The following DENND10 variants were observed in gnomAD, a reference collection of about 807,000 sequenced individuals.
DENND10 encodes DENN domain-containing protein 10.
DENND10 carries 24 observed loss-of-function variants against 43.6 expected under a neutral mutation model. That is an observed-to-expected ratio of 0.55 (90% CI 0.40 to 0.77). The LOEUF (loss-of-function observed/expected upper bound fraction) is 0.77. DENND10 is among the 30% of genes least tolerant of loss of function. The probability of loss-of-function intolerance (pLI) is 0.00; values close to 1 mark genes in which losing one functional copy is unlikely to be tolerated. For missense variants in DENND10, 303 were observed against 429.9 expected (o/e 0.70, Z 2.61); for synonymous variants, 125 against 157.6 (o/e 0.79, Z 1.55).
chr10:119,127,364 A>G (rs1845883363), intron 6 of DENND10, among the ~76,000 whole-genome samples: 1 of 152,152 alleles, frequency 6.6e-6, no homozygotes, highest in Admixed American at 6.6e-5. Flanking sequence ...TTTTTTCAGT[A>G]ATGAGTAATA....
At chr10:119,113,992 T>A (rs983695147) in intron 3 of DENND10, 1 of 152,212 alleles carries the variant, frequency 6.6e-6, no homozygotes, top group African/African-American at 2.4e-5. Context: ...TTCATTTGGT[T>A]GAGTCAGGGT....
rs1427788470 is a variant in DENND10, at chr10:119,126,925, G to T, written c.695-2590G>T. Among the ~76,000 whole-genome samples the T allele has an allele frequency of 2.2e-4, 32 of 148,442 alleles. 1 individual carries two copies. The East Asian group carries it at 5.0e-3, about 23-fold the overall frequency. On this transcript the variant is annotated intron_variant, in intron 6 of 8. Transcript: ENST00000361432. ...TTCTTTTTTTTTTTTTTGAGACAGG[G>T]TCTTGCTCTGTCGCCCAGGCTGGAG...
rs1317381137 is a variant in DENND10 at position 119,137,881 on chromosome 10, T to G, written c.*1234T>G. On this transcript the variant is annotated 3_prime_UTR_variant, in exon 9 of 9. Coordinates refer to ENST00000361432, the MANE Select transcript of DENND10 (RefSeq NM_207009.4). ...TTTATGGAAATGAGGAATATTAACATCTTTTTTCTCATTTTTTTGTATTAC... is the reference window on the plus strand; with the variant it reads ...TTTATGGAAATGAGGAATATTAACAGCTTTTTTCTCATTTTTTTGTATTAC... 6.0e-6 allele frequency: 1 copy of G among 166,618 alleles called. No individual in the cohort carries two copies. The highest frequency in any genetic ancestry group is 1.5e-5 in the Non-Finnish European group (1 of 68,028). The allele number at this position is 166,618 out of a possible 1,614,324, so 10.3% of individuals were successfully genotyped here.
At chr10:119,123,696 G>T in intron 6 of DENND10, 127 bp downstream of exon 6, 3 of 707,078 alleles carry the variant, frequency 4.2e-6, no homozygotes, top group Non-Finnish European at 7.2e-6. Context: ...CGCAACGTCC[G>T]CCTTCAATTC....
At chr10:119,109,216 C>A (rs1384789796) in intron 2 of DENND10, among the ~76,000 whole-genome samples, 321 of 129,056 alleles carry the variant, frequency 2.5e-3, no homozygotes, top group Non-Finnish European at 2.5e-3. Context: ...AACTCCGTCT[C>A]AAAAAAAAAA....
At chr10:119,104,522 C>T (rs1264343326) in intron 1 of DENND10, among the ~76,000 whole-genome samples, 1 of 150,194 alleles carries the variant, frequency 6.7e-6, no homozygotes, top group East Asian at 2.0e-4. Flanking sequence ...TCGAGCGCTC[C>T]CAGGCTGGGC....
intron 3 of DENND10, among the ~76,000 whole-genome samples, chr10:119,112,916 C>A (rs1324364284): frequency 6.6e-6 from 1 of 151,730 alleles, no homozygotes; most frequent in East Asian, 1.9e-4. Context: ...GTGGGGCGAT[C>A]TTGGCTCACT....
chr10:119,133,722 G>C (rs1453859980), intron 8 of DENND10: 2 of 152,374 alleles, frequency 1.3e-5, no homozygotes, highest in East Asian at 3.8e-4. Context: ...CTGGCCAGCT[G>C]TGAGCAGGAA....
At position 119,120,337 on chromosome 10, in the gene DENND10, G is replaced by A; in HGVS notation, c.482-4G>A. ...AGTAACATTACAATTTCTCTTTTTT[G>A]AAGACATTGTATCTCAGTTTGGAAT... On this transcript the variant is annotated splice_polypyrimidine_tract_variant and splice_region_variant and intron_variant, in intron 4 of 8. Transcript: ENST00000361432. 6.4e-7 allele frequency: 1 copy of A among 1,558,556 alleles called. No individual in the cohort carries two copies. The highest frequency in any genetic ancestry group is 8.8e-7 in the Non-Finnish European group (1 of 1,131,228).
Position 119,132,474 on chromosome 10 carries a change from T to A in DENND10, c.803-41T>A. 2 of 1,527,016 alleles carry A rather than the reference T, an allele frequency of 1.3e-6. No homozygotes were observed. The highest frequency in any genetic ancestry group is 2.2e-5 in the South Asian group (2 of 88,938). The allele number at this position is 1,527,016 out of a possible 1,614,324, so 94.6% of individuals were successfully genotyped here. ...TTCAGATAGATGGCATGATTATTTT[T>A]TATGTCGATTTCTAAATATTCACCT... On this transcript the variant is annotated intron_variant, in intron 7 of 8. Coordinates refer to ENST00000361432, the MANE Select transcript of DENND10 (RefSeq NM_207009.4). The surrounding 1 kb of genome is among the most constrained non-coding windows in gnomAD (Gnocchi z 4.2).
chr10:119,123,733 G>T (rs1266033334), intron 6 of DENND10, among the ~76,000 whole-genome samples, 164 bp downstream of exon 6: 1 of 151,922 alleles, frequency 6.6e-6, no homozygotes, highest in East Asian at 1.9e-4. Context: ...CAAGTAGCTG[G>T]GATTACAGGC....
chr10:119,112,493 C>CTTTTTTTT (rs1353576739), intron 3 of DENND10, among the ~76,000 whole-genome samples: 13 of 133,494 alleles, frequency 9.7e-5, no homozygotes, highest in South Asian at 2.3e-4. Flanking sequence ...TTTTCTTTTT[C>CTTTTTTTT]TTTTTTTTTT....
At chr10:119,136,449 A>G (rs781184082) in intron 8 of DENND10, 22 bp from the exon 9 acceptor site, 7 of 1,590,040 alleles carry the variant, frequency 4.4e-6, no homozygotes, top group East Asian at 2.2e-5. Context: ...CATGTTGCAT[A>G]TATTTTCCTG....
At chr10:119,118,017 C>T (rs1431396423) in intron 4 of DENND10, among the ~76,000 whole-genome samples, 1 of 151,862 alleles carries the variant, frequency 6.6e-6, no homozygotes, top group Non-Finnish European at 1.5e-5. Flanking sequence ...ACCCTTCCAA[C>T]AACAAAATCC....
chr10:119,129,217 G>C (rs1845970124), intron 6 of DENND10, among the ~76,000 whole-genome samples: 1 of 152,186 alleles, frequency 6.6e-6, no homozygotes, highest in East Asian at 1.9e-4. Flanking sequence ...GAGAGTCCTT[G>C]CTACCTTCTG....
chr10:119,107,856 C>A, intron 1 of DENND10, 112 bp from the exon 2 acceptor site: 1 of 962,576 alleles, frequency 1.0e-6, no homozygotes, highest in Non-Finnish European at 1.7e-6. Flanking sequence ...TTGTGAGTTG[C>A]TTTGTAAGAT....
rs763474356 is a variant in DENND10 at position 119,108,130 on chromosome 10, C to G, written c.218C>G (p.Thr73Arg). The change falls in exon 2 of 9, where the codon ACA becomes AGA. Residue 73 changes from threonine to arginine, a missense_variant. By Grantham distance (71) the Thr-to-Arg change is moderately conservative. Transcript: ENST00000361432. ...QYRRTWFYIT[T>R]IEVPDSSILK... ...AGAAGAACATGGTTTTATATCACAA[C>G]AATTGAAGTTCCAGATTCTTCCATT... 3.1e-6 allele frequency: 5 copies of G among 1,613,366 alleles called. No homozygotes were observed. Among genetic ancestry groups the G allele is most frequent in the Non-Finnish European group, 2.5e-6 (3 of 1,179,452 alleles).
At chr10:119,109,775 C>G (rs983517017) in intron 2 of DENND10, among the ~76,000 whole-genome samples, 1 of 151,550 alleles carries the variant, frequency 6.6e-6, no homozygotes, top group East Asian at 1.9e-4. Context: ...TTCGCCACCA[C>G]GTCCAGCTAA....
chr10:119,132,268 G>T lies in DENND10; in HGVS notation c.803-247G>T, dbSNP rs569893036. On this transcript the variant is annotated intron_variant, in intron 7 of 8. Transcript: ENST00000361432. The surrounding 1 kb of genome is among the most constrained non-coding windows in gnomAD (Gnocchi z 4.2). Reference sequence around the variant, plus strand: ...GAAAAATAAAAATTTTGGTCAGGTGGGTGTGAAGGGGAAATCTGGTTTGGT... The same window carrying T: ...GAAAAATAAAAATTTTGGTCAGGTGTGTGTGAAGGGGAAATCTGGTTTGGT... Among the ~76,000 whole-genome samples, 3 of 152,264 alleles carry T rather than the reference G, an allele frequency of 2.0e-5. No homozygotes were observed. The highest frequency in any genetic ancestry group is 2.0e-4 in the Admixed American group (3 of 15,286).
Sources: allele counts gnomAD v4.1 joint callset (sites outside exome capture counted in the v4.1 genomes callset), GRCh38; gene constraint gnomAD v4.1.1; non-coding constraint Gnocchi (gnomAD v3.1); transcripts MANE v1.5; gene names NCBI Gene and HGNC (gene_info 2026-07-23, HGNC 2026-07-21).